Variants in ERC2 observed in about 807,000 individuals in gnomAD.
The protein encoded by ERC2 is ELKS/RAB6-interacting/CAST family member 2.
A neutral mutation model predicts 114.8 loss-of-function variants in ERC2; 42 were observed. That is an observed-to-expected ratio of 0.37 (90% CI 0.29 to 0.47). ERC2 has a LOEUF of 0.47. ERC2 is among the 20% of genes least tolerant of loss of function. The pLI, the probability that ERC2 is intolerant of heterozygous loss-of-function variation, is 0.99. For synonymous variants in ERC2, 454 were observed against 425.5 expected, an observed-to-expected ratio of 1.07 and a Z score of -0.82; for missense variants, 939 against 1,150.7, an observed-to-expected ratio of 0.82 and a Z score of 2.66.
At chr3:56,427,857 A>C (rs1330800704) in intron 2 of ERC2, among the ~76,000 whole-genome samples, 1 of 152,178 alleles carries the variant, frequency 6.6e-6, no homozygotes, top group African/African-American at 2.4e-5. Flanking sequence ...CTCAGACTCC[A>C]ACATATCTTT....
At chr3:55,790,625 C>A (rs2069926677) in intron 14 of ERC2, among the ~76,000 whole-genome samples, 1 of 152,318 alleles carries the variant, frequency 6.6e-6, no homozygotes, top group Non-Finnish European at 1.5e-5. Context: ...CTACTATCCC[C>A]CACCTCCAGA....
chr3:56,271,709 G>A, intron 3 of ERC2, among the ~76,000 whole-genome samples: 1 of 152,102 alleles, frequency 6.6e-6, no homozygotes, highest in East Asian at 1.9e-4. Flanking sequence ...TCATCACCCA[G>A]GTAATAAGCT....
intron 7 of ERC2, among the ~76,000 whole-genome samples, chr3:56,022,412 T>C (rs1287877708): frequency 1.3e-5 from 2 of 152,204 alleles, no homozygotes; most frequent in African/African-American, 4.8e-5. Flanking sequence ...TCAGAATGGT[T>C]ATTTAAGTGA....
chr3:56,069,998 C>T (rs1268386674), intron 7 of ERC2, among the ~76,000 whole-genome samples: 1 of 152,170 alleles, frequency 6.6e-6, no homozygotes, highest in East Asian at 1.9e-4. Context: ...AACTGTGAAG[C>T]AATATGCCCC....
At chr3:55,868,230 C>T (rs926599237) in intron 14 of ERC2, among the ~76,000 whole-genome samples, 2 of 152,172 alleles carry the variant, frequency 1.3e-5, no homozygotes, top group Non-Finnish European at 2.9e-5. Context: ...GAACTGTGCA[C>T]AAACACAAGT....
At chr3:56,418,195 G>A (rs2061243843) in intron 2 of ERC2, among the ~76,000 whole-genome samples, 1 of 151,808 alleles carries the variant, frequency 6.6e-6, no homozygotes, top group African/African-American at 2.4e-5. Flanking sequence ...CTACTCAGGA[G>A]GATGAGGAAG....
chr3:55,814,012 G>T (rs142505649), intron 14 of ERC2, among the ~76,000 whole-genome samples: 2 of 152,318 alleles, frequency 1.3e-5, no homozygotes, highest in African/African-American at 4.8e-5. Context: ...AAAAGGAAAA[G>T]ATTCCAGGGA....
intron 7 of ERC2, among the ~76,000 whole-genome samples, chr3:56,073,601 T>C (rs1234614213): frequency 6.6e-6 from 1 of 152,166 alleles, no homozygotes; most frequent in African/African-American, 2.4e-5. Flanking sequence ...TGAGTTTGCC[T>C]ACACCAAGGA....
At chr3:55,788,247 C>T (rs557644854) in intron 14 of ERC2, among the ~76,000 whole-genome samples, 2 of 152,314 alleles carry the variant, frequency 1.3e-5, no homozygotes, top group African/African-American at 2.4e-5. Flanking sequence ...TGACTTAAAA[C>T]ATGGCCCAGA....
intron 2 of ERC2, among the ~76,000 whole-genome samples, chr3:56,315,264 T>C (rs2056809646): frequency 6.6e-6 from 1 of 152,200 alleles, no homozygotes; most frequent in African/African-American, 2.4e-5. Flanking sequence ...AAATTTTTTT[T>C]CCTAAAAATC....
chr3:55,801,757 T>G (rs2071073228), intron 14 of ERC2, among the ~76,000 whole-genome samples: 1 of 152,190 alleles, frequency 6.6e-6, no homozygotes, highest in Admixed American at 6.5e-5. Flanking sequence ...GTTAAGAAAT[T>G]ATTAAGAATT....
chr3:56,152,357 AAAC>A (rs2081459569), intron 4 of ERC2, among the ~76,000 whole-genome samples: 1 of 152,054 alleles, frequency 6.6e-6, no homozygotes, highest in Non-Finnish European at 1.5e-5. Flanking sequence ...TGAAGAGTCA[AAAC>A]AACAATTTGG....
chr3:56,244,253 G>A (rs151158973), intron 3 of ERC2, among the ~76,000 whole-genome samples: 379 of 152,110 alleles, frequency 2.5e-3, no homozygotes, highest in African/African-American at 8.5e-3. Context: ...CAAACCTACT[G>A]CACTGCCAGT....
intron 15 of ERC2, among the ~76,000 whole-genome samples, chr3:55,710,683 T>A (rs2063735090): frequency 6.6e-6 from 1 of 152,206 alleles, no homozygotes; most frequent in African/African-American, 2.4e-5. Context: ...CTAAAGTACA[T>A]AACTGATGTT....
intron 13 of ERC2, among the ~76,000 whole-genome samples, chr3:55,898,006 A>G (rs1327256810): frequency 6.6e-6 from 1 of 151,964 alleles, no homozygotes; most frequent in Non-Finnish European, 1.5e-5. Context: ...TTGGGCTCCA[A>G]CTCTTTGATT....
chr3:55,781,622 A>G (rs1220103167), intron 14 of ERC2, among the ~76,000 whole-genome samples: 1 of 152,080 alleles, frequency 6.6e-6, no homozygotes, highest in East Asian at 1.9e-4. Context: ...CTGTAATCCC[A>G]GCACTTTGGG....
At chr3:56,453,804 G>C (rs1253181839) in intron 1 of ERC2, among the ~76,000 whole-genome samples, 1 of 152,154 alleles carries the variant, frequency 6.6e-6, no homozygotes, top group African/African-American at 2.4e-5. Context: ...CACTGGAAAA[G>C]CCGAAAGGAG....
chr3:55,840,324 A>G (rs2061076206), intron 14 of ERC2, among the ~76,000 whole-genome samples: 1 of 152,088 alleles, frequency 6.6e-6, no homozygotes. Flanking sequence ...TATATGAACA[A>G]ACATTTCACC....
chr3:56,179,493 A>G (rs2083169370), intron 3 of ERC2, among the ~76,000 whole-genome samples: 1 of 152,206 alleles, frequency 6.6e-6, no homozygotes, highest in African/African-American at 2.4e-5. Context: ...TGATAAGGAC[A>G]GACCCATCAG....
Sources: gnomAD v4.1 joint callset for allele counts (sites outside exome capture counted in the v4.1 genomes callset) on GRCh38, gnomAD v4.1.1 for gene constraint, MANE v1.5 for transcripts, NCBI Gene and HGNC (gene_info 2026-07-23, HGNC 2026-07-21) for gene names.